TIMM44: variants seen among roughly 807,000 people sequenced by gnomAD.
TIMM44 encodes translocase of inner mitochondrial membrane 44, also known as mitochondrial import inner membrane translocase subunit TIM44.
TIMM44 carries 37 observed loss-of-function variants against 63.8 expected under a neutral mutation model. The observed-to-expected ratio is 0.58, with a 90% CI of 0.45 to 0.76. TIMM44 has a LOEUF of 0.76. Among genes scored for constraint, TIMM44 ranks in the 30% least tolerant of loss-of-function variants. The pLI is 0.00. For synonymous variants in TIMM44, 239 were observed against 245.1 expected (o/e 0.98, Z 0.23); for missense variants, 573 against 603.8 (o/e 0.95, Z 0.54).
In TIMM44 at chr19:7,928,065, C is replaced by T. The variant is rs771796001; in HGVS notation, c.1128+12G>A. Reference sequence around the variant, plus strand: ...CCGATGGTGGCCCGGGCCCCCACTGCGAGGTGCTTACGTCGACGTTGTCAA... The same window carrying T: ...CCGATGGTGGCCCGGGCCCCCACTGTGAGGTGCTTACGTCGACGTTGTCAA... On this transcript the variant is annotated intron_variant, in intron 11 of 12. Coordinates refer to ENST00000270538, the MANE Select transcript of TIMM44 (RefSeq NM_006351.4). The T allele has an allele frequency of 6.8e-6, 11 of 1,612,106 alleles. No individual in the cohort carries two copies. The highest frequency in any genetic ancestry group is 4.0e-5 in the African/African-American group (3 of 74,908).
In TIMM44 at chr19:7,934,555, G is replaced by A. The variant is rs933476101; in HGVS notation, c.394-317C>T. Among the ~76,000 whole-genome samples, 7 of 152,274 alleles carry A rather than the reference G, an allele frequency of 4.6e-5. No individual in the cohort carries two copies. Among genetic ancestry groups the A allele is most frequent in the African/African-American group, 1.4e-4 (6 of 41,556 alleles). On this transcript the variant is annotated intron_variant, in intron 4 of 12. Coordinates refer to ENST00000270538, the MANE Select transcript of TIMM44 (RefSeq NM_006351.4). This position sits in a 1 kb window ranked among gnomAD's most constrained non-coding sequence, Gnocchi z 5.3. ...GCTGGCCCTGGGCTCTGGGTGAGAC[G>A]CTGGGTCTGCTGGCCCCTTTCCAAA...
intron 10 of TIMM44, 40 bp downstream of exon 10, chr19:7,931,098 G>A: frequency 6.4e-7 from 1 of 1,570,026 alleles, no homozygotes; most frequent in South Asian, 1.1e-5. Flanking sequence ...GATTTTTTAG[G>A]CCTTAAAAAA....
intron 10 of TIMM44, 30 bp downstream of exon 10, chr19:7,931,102 TAAAAAA>T: frequency 7.1e-7 from 1 of 1,399,140 alleles, no homozygotes; most frequent in South Asian, 1.2e-5. Flanking sequence ...TTTTAGGCCT[TAAAAAA>T]AAAAAAAGAA....
At position 7,933,171 on chromosome 19, in the gene TIMM44, G is replaced by T. The variant is rs1262658992; in HGVS notation, c.770-239C>A. On this transcript the variant is annotated intron_variant, in intron 7 of 12. Transcript: ENST00000270538. The surrounding 1 kb of genome is among the most constrained non-coding windows in gnomAD (Gnocchi z 4.3). ...GCCCTAATGGGGCTGTGTAAGTTAT[G>T]GGCCGCCACCCCACTGGCTGTTGCT... Among the ~76,000 whole-genome samples, 1 of 152,170 alleles carries T rather than the reference G, an allele frequency of 6.6e-6. No individual in the cohort carries two copies. Among genetic ancestry groups the T allele is most frequent in the African/African-American group, 2.4e-5 (1 of 41,440 alleles).
At chr19:7,931,544 C>A in intron 9 of TIMM44, 1 of 345,176 alleles carries the variant, frequency 2.9e-6, no homozygotes, top group Non-Finnish European at 5.6e-6. Context: ...GGACCCAACT[C>A]CGGCTCCCGC....
At position 7,931,202 on chromosome 19, in the gene TIMM44, G is replaced by A. The variant is rs1441056242; in HGVS notation, c.988-14C>T. 1.2e-6 allele frequency: 2 copies of A among 1,613,368 alleles called. No homozygotes were observed. The highest frequency in any genetic ancestry group is 1.7e-4 in the Middle Eastern group (1 of 6,060). ...AGAAATCATGGCCTAAAAAGGAAGG[G>A]AAAATAAGCACCAGAACGAGAGTGG... On this transcript the variant is annotated splice_polypyrimidine_tract_variant and intron_variant, in intron 9 of 12. Coordinates refer to ENST00000270538, the MANE Select transcript of TIMM44 (RefSeq NM_006351.4).
intron 10 of TIMM44, 37 bp downstream of exon 10, chr19:7,931,101 T>C: frequency 6.3e-7 from 1 of 1,575,646 alleles, no homozygotes; most frequent in Non-Finnish European, 8.7e-7. Context: ...TTTTTAGGCC[T>C]TAAAAAAAAA....
In TIMM44 at chr19:7,933,991, C is replaced by T. The variant is rs1409775120; in HGVS notation, c.556G>A (p.Val186Met). 6 of 1,613,912 alleles carry T rather than the reference C, an allele frequency of 3.7e-6. No homozygotes were observed. The highest frequency in any genetic ancestry group is 3.4e-6 in the Non-Finnish European group (4 of 1,180,014). ...FRALSQGVES[V>M]KKEIDDSVLG... ...ACGCTGTCGTCAATTTCCTTCTTCA[C>T]GGACTCCACCCCCTGCGAGGGAGGC... The change falls in exon 6 of 13, where the codon GTG becomes ATG. Residue 186 changes from valine (V) to methionine (M), a missense_variant. Transcript: ENST00000270538. This position sits in a 1 kb window ranked among gnomAD's most constrained non-coding sequence, Gnocchi z 4.3.
chr19:7,937,529 A>G (rs1217622747), intron 3 of TIMM44, among the ~76,000 whole-genome samples: 1 of 152,182 alleles, frequency 6.6e-6, no homozygotes, highest in Non-Finnish European at 1.5e-5. Flanking sequence ...AGAACGCTGC[A>G]TGGTCTCATG....
intron 9 of TIMM44, chr19:7,931,438 C>T: frequency 1.9e-6 from 1 of 525,684 alleles, no homozygotes; most frequent in East Asian, 3.3e-5. Flanking sequence ...CAGGAGGCAC[C>T]CCACAGGGGG....
chr19:7,927,041 G>A lies in TIMM44; in HGVS notation c.*146C>T. On this transcript the variant is annotated 3_prime_UTR_variant, in exon 13 of 13. Transcript: ENST00000270538. The stretch of plus-strand genomic sequence containing the variant: ...CGCAACAGCCCGTTGTCCCCTCCCG[G>A]GCCAGCTGGTCTTGCAGCCGTCCTG... 1 of 1,235,330 alleles carries A rather than the reference G, an allele frequency of 8.1e-7. No individual in the cohort carries two copies. The allele number at this position is 1,235,330 out of a possible 1,614,324, so 76.5% of individuals were successfully genotyped here. A position where few individuals can be genotyped will look rare whatever the true frequency, so the allele number is the denominator to read the frequency against.
At chr19:7,935,377 C>G (rs1984124314) in intron 3 of TIMM44, 1 of 504,886 alleles carries the variant, frequency 2.0e-6, no homozygotes, top group South Asian at 2.1e-5. Context: ...GTTGGCCAGG[C>G]TGGTCTCAAA....
At chr19:7,940,987 C>T in intron 2 of TIMM44, 115 bp downstream of exon 2, 1 of 807,646 alleles carries the variant, frequency 1.2e-6, no homozygotes, top group Non-Finnish European at 2.1e-6. Flanking sequence ...ACAGAAGGCC[C>T]ACCACCGAGA....
chr19:7,933,372 G>A lies in TIMM44; in HGVS notation c.769+113C>T, dbSNP rs189387628. The A allele has an allele frequency of 1.7e-5, 16 of 962,510 alleles. No individual in the cohort carries two copies. Among genetic ancestry groups the A allele is most frequent in the Middle Eastern group, 2.1e-4 (1 of 4,802 alleles). The allele number at this position is 962,510 out of a possible 1,614,324, so 59.6% of individuals were successfully genotyped here. ...GAAGTGACCGGCCCACTCTGACCCC[G>A]ATCTCCTCCTCTGCAAAACGGGGCT... On this transcript the variant is annotated intron_variant, in intron 7 of 12. Coordinates refer to ENST00000270538, the MANE Select transcript of TIMM44 (RefSeq NM_006351.4). This position sits in a 1 kb window ranked among gnomAD's most constrained non-coding sequence, Gnocchi z 4.3.
Position 7,933,950 on chromosome 19 carries a change from C to T in TIMM44, c.597G>A (p.Gly199=), listed in dbSNP as rs1984063872. 6.2e-7 allele frequency: 1 copy of T among 1,614,158 alleles called. No individual in the cohort carries two copies. Among genetic ancestry groups the T allele is most frequent in the Non-Finnish European group, 8.5e-7 (1 of 1,180,024 alleles). Residue 199 remains glycine, a synonymous_variant, in exon 6 of 13, where the codon GGG becomes GGA. Transcript: ENST00000270538. The surrounding 1 kb of genome is among the most constrained non-coding windows in gnomAD (Gnocchi z 4.3). ...EIDDSVLGQT[G]PYRRPQRLRK... The stretch of plus-strand genomic sequence containing the variant: ...GGAGTCGCTGGGGCCTCCGGTAGGG[C>T]CCGGTCTGTCCCAGGACGCTGTCGT...
intron 10 of TIMM44, chr19:7,928,923 CAAAAAAAAAAA>C (rs758167153): frequency 1.4e-5 from 1 of 70,094 alleles, no homozygotes. Context: ...AACAAAAAAC[CAAAAAAAAAAA>C]AAAAAAAAAA....
chr19:7,927,705 C>T lies in TIMM44; in HGVS notation c.1191G>A (p.Leu397=). Reference sequence around the variant, plus strand: ...CTTTGGGGTTCCTGACCACCATCACCAGCTGTGCCTGGAAGGTGATGATCA... The same window carrying T: ...CTTTGGGGTTCCTGACCACCATCACTAGCTGTGCCTGGAAGGTGATGATCA... ...PVLIITFQAQ[L]VMVVRNPKGE... The change falls in exon 12 of 13, where the codon CTG becomes CTA. Residue 397 remains leucine, a synonymous_variant. Transcript: ENST00000270538. 1 of 1,613,492 alleles carries T rather than the reference C, an allele frequency of 6.2e-7. No individual in the cohort carries two copies. Among genetic ancestry groups the T allele is most frequent in the Non-Finnish European group, 8.5e-7 (1 of 1,180,020 alleles).
At position 7,927,213 on chromosome 19, in the gene TIMM44, C is replaced by G. The variant is rs1353782244; in HGVS notation, c.1333G>C (p.Ala445Pro). The G allele has an allele frequency of 6.2e-7, 1 of 1,611,070 alleles. No individual in the cohort carries two copies. The highest frequency in any genetic ancestry group is 2.2e-5 in the East Asian group (1 of 44,872). The change falls in exon 13 of 13, where the codon GCC becomes CCC. Residue 445 changes from alanine (A) to proline (P), a missense_variant. Transcript: ENST00000270538. Reference protein sequence around the residue: ...YAAWRLLDISASSTEQIL With the variant: ...YAAWRLLDISPSSTEQIL The stretch of plus-strand genomic sequence containing the variant: ...CAGAGAATCTGCTCGGTGCTGGAGG[C>G]CGAGATGTCCAGGAGCCGCCAGGCC...
rs1184637614 is a variant in TIMM44, at chr19:7,934,459, CCGG to C, written c.394-224_394-222del. ...CGCCACCCCCAGAGCCACGAGCACACCGGCACCCCCAGAGCCATGAGCACACCG... is the reference window on the plus strand; with the variant it reads ...CGCCACCCCCAGAGCCACGAGCACACCACCCCCAGAGCCATGAGCACACCG... On this transcript the variant is annotated intron_variant, in intron 4 of 12. Transcript: ENST00000270538. The surrounding 1 kb of genome is among the most constrained non-coding windows in gnomAD (Gnocchi z 5.3). 5.2e-5 allele frequency among the ~76,000 whole-genome samples: 7 copies of C among 133,700 alleles called. No homozygotes were observed. Among genetic ancestry groups the C allele is most frequent in the African/African-American group, 1.5e-4 (6 of 39,584 alleles). The allele number at this position is 133,700 out of a possible 152,430, so 87.7% of individuals were successfully genotyped here.
Sources: allele counts gnomAD v4.1 joint callset (sites outside exome capture counted in the v4.1 genomes callset), GRCh38; gene constraint gnomAD v4.1.1; non-coding constraint Gnocchi (gnomAD v3.1); transcripts MANE v1.5; gene names NCBI Gene and HGNC (gene_info 2026-07-23, HGNC 2026-07-21).